BTD: variants seen among roughly 807,000 people sequenced by gnomAD.
BTD encodes the protein biocytinase.
A neutral mutation model predicts 17.7 loss-of-function variants in BTD; 13 were observed. The observed-to-expected ratio is 0.74, with a 90% confidence interval of 0.48 to 1.17. BTD has a LOEUF of 1.17. Ranked by LOEUF, BTD falls within the 50% of genes most tolerant of loss-of-function variation. The probability of loss-of-function intolerance (pLI) is 0.00; values close to 1 mark genes in which losing one functional copy is unlikely to be tolerated. For missense variants in BTD, 674 were observed against 650.4 expected (o/e 1.04, Z -0.39); for synonymous variants, 240 against 245.2 (o/e 0.98, Z 0.20).
intron 3 of BTD, among the ~76,000 whole-genome samples, chr3:15,671,958 TG>T (rs1003077896): frequency 2.0e-5 from 3 of 152,278 alleles, no homozygotes; most frequent in African/African-American, 7.2e-5. Flanking sequence ...CTGGCATTTT[TG>T]TGTAGCATTA....
chr3:15,686,308 TG>T, intron 3 of BTD: 1 of 1,570,894 alleles, frequency 6.4e-7, no homozygotes, highest in South Asian at 1.2e-5. Context: ...GACCATTTGT[TG>T]CTGTAAAGTG....
intron 3 of BTD, among the ~76,000 whole-genome samples, chr3:15,672,878 C>T (rs1479406665): frequency 8.5e-5 from 13 of 152,186 alleles, no homozygotes; most frequent in African/African-American, 2.9e-4. Context: ...TGGGTTCAAG[C>T]GATTCTCTTG....
chr3:15,617,350 C>T (rs1350950863), intron 1 of BTD, among the ~76,000 whole-genome samples: 1 of 152,182 alleles, frequency 6.6e-6, no homozygotes, highest in African/African-American at 2.4e-5. Flanking sequence ...TTTTGTCCAA[C>T]ACAAGATCAT....
intron 3 of BTD, among the ~76,000 whole-genome samples, chr3:15,687,885 T>A (rs1174400251): frequency 6.6e-6 from 1 of 152,144 alleles, no homozygotes; most frequent in Non-Finnish European, 1.5e-5. Context: ...CTAAGTTCAA[T>A]ACCCAAACAG....
In BTD at chr3:15,665,853, C is replaced by T. The variant is rs774029278; in HGVS notation, c.399+23796C>T. 3.3e-5 allele frequency among the ~76,000 whole-genome samples: 5 copies of T among 152,108 alleles called. No homozygotes were observed. In the South Asian group the frequency reaches 1.0e-3, roughly 32 times the overall value. On this transcript the variant is annotated intron_variant, in intron 3 of 3. Transcript: ENST00000672141. ...ATAACTTTTCTATTTTAGCCCAGGC[C>T]CAAGAATGAACATAGATGGGAGCAA...
At chr3:15,625,722 A>C (rs2065050949) in intron 1 of BTD, among the ~76,000 whole-genome samples, 1 of 151,924 alleles carries the variant, frequency 6.6e-6, no homozygotes, top group Non-Finnish European at 1.5e-5. Context: ...CGCCCAGCTA[A>C]TTTTTTGTAT....
intron 1 of BTD, among the ~76,000 whole-genome samples, chr3:15,617,794 C>T (rs1278743866): frequency 6.6e-6 from 1 of 152,154 alleles, no homozygotes; most frequent in Non-Finnish European, 1.5e-5. Flanking sequence ...CTATTCTGTT[C>T]CATCTATTTG....
intron 3 of BTD, among the ~76,000 whole-genome samples, chr3:15,706,526 T>C (rs1386974575): frequency 6.6e-6 from 1 of 152,200 alleles, no homozygotes; most frequent in Non-Finnish European, 1.5e-5. Flanking sequence ...TCTTTGCTAT[T>C]GTGAATAGTG....
At chr3:15,611,506 T>A (rs2064628192) in intron 1 of BTD, among the ~76,000 whole-genome samples, 1 of 152,244 alleles carries the variant, frequency 6.6e-6, no homozygotes, top group Non-Finnish European at 1.5e-5. Context: ...TTTTCCTTTA[T>A]AGTTAGAAAG....
intron 4 of BTD, chr3:15,721,000 G>A: frequency 6.2e-7 from 1 of 1,613,874 alleles, no homozygotes; most frequent in Non-Finnish European, 8.5e-7. Context: ...GTGCAAAGGA[G>A]TAAATCCTTT....
intron 3 of BTD, chr3:15,669,350 C>T (rs2066151609): frequency 6.6e-6 from 1 of 152,160 alleles, no homozygotes; most frequent in Non-Finnish European, 1.5e-5. Flanking sequence ...CTCCATGCCC[C>T]AGGACCACTT....
At chr3:15,705,702 T>G (rs1486182155) in intron 3 of BTD, among the ~76,000 whole-genome samples, 1 of 152,204 alleles carries the variant, frequency 6.6e-6, no homozygotes, top group Non-Finnish European at 1.5e-5. Flanking sequence ...TACTATTGCC[T>G]TTAAGATTAG....
At chr3:15,638,691 T>A (rs1345408556) in intron 2 of BTD, among the ~76,000 whole-genome samples, 1 of 152,258 alleles carries the variant, frequency 6.6e-6, no homozygotes, top group Non-Finnish European at 1.5e-5. Flanking sequence ...TCTGAAAGGA[T>A]GCATCATTAG....
intron 1 of BTD, among the ~76,000 whole-genome samples, chr3:15,631,217 T>A (rs1333969138): frequency 6.6e-6 from 1 of 152,242 alleles, no homozygotes; most frequent in African/African-American, 2.4e-5. Flanking sequence ...TCCCTCAGGC[T>A]TTGTTCCACA....
chr3:15,717,684 G>A (rs1160949170), downstream of BTD, among the ~76,000 whole-genome samples: 1 of 152,058 alleles, frequency 6.6e-6, no homozygotes, highest in Admixed American at 6.6e-5. Context: ...ATTTTGCTTA[G>A]CTGACCAAAA....
At chr3:15,677,564 TG>T in intron 3 of BTD, 4 of 1,607,246 alleles carry the variant, frequency 2.5e-6, no homozygotes, top group Non-Finnish European at 3.4e-6. Context: ...CCAGCATCTC[TG>T]GGAGGAAAAA....
At position 15,649,598 on chromosome 3, in the gene BTD, C is replaced by CT. The variant is rs1443285788; in HGVS notation, c.*4111dup. ...TCACATGATGGCCCTTACTGTGAAC[C>CT]TGGGTTTCTGGTCCAGCCATAGCTA... On this transcript the variant is annotated 3_prime_UTR_variant, in exon 4 of 4. Transcript: ENST00000643237. 1.3e-5 allele frequency among the ~76,000 whole-genome samples: 2 copies of CT among 152,216 alleles called. No individual in the cohort carries two copies. Among genetic ancestry groups the CT allele is most frequent in the Non-Finnish European group, 2.9e-5 (2 of 68,028 alleles).
At chr3:15,713,980 A>C (rs1356270105), downstream of BTD, among the ~76,000 whole-genome samples, 1 of 152,222 alleles carries the variant, frequency 6.6e-6, no homozygotes, top group Non-Finnish European at 1.5e-5. Context: ...TCTGTCATCA[A>C]GACTGCATGC....
chr3:15,635,635 A>T lies in BTD; in HGVS notation c.196A>T (p.Met66Leu). 3 of 1,614,210 alleles carry T rather than the reference A, an allele frequency of 1.9e-6. No homozygotes were observed. The highest frequency in any genetic ancestry group is 2.5e-6 in the Non-Finnish European group (3 of 1,180,006). ...CAGCCGCCAAGAGGCCTTGGAGCTCATGAACCAGAACCTTGACATCTATGA... is the reference window on the plus strand; with the variant it reads ...CAGCCGCCAAGAGGCCTTGGAGCTCTTGAACCAGAACCTTGACATCTATGA... Reference protein sequence around the residue: ...LISRQEALELMNQNLDIYEQQ... With the variant: ...LISRQEALELLNQNLDIYEQQ... Residue 66 changes from methionine to leucine, a missense_variant, in exon 2 of 4, where the codon ATG becomes TTG. By Grantham distance (15) the Met-to-Leu change is conservative. Coordinates refer to ENST00000643237, the MANE Select transcript of BTD (RefSeq NM_001370658.1). This position sits in a 1 kb window ranked among gnomAD's most constrained non-coding sequence, Gnocchi z 4.1.
Sources: gnomAD v4.1 joint callset for allele counts (sites outside exome capture counted in the v4.1 genomes callset) on GRCh38, gnomAD v4.1.1 for gene constraint, Gnocchi (gnomAD v3.1) non-coding constraint, MANE v1.5 for transcripts, NCBI Gene and HGNC (gene_info 2026-07-23, HGNC 2026-07-21) for gene names.